Variants in PCDHGB7 observed in about 807,000 individuals in gnomAD.
PCDHGB7 encodes the protein protocadherin gamma subfamily B, 7.
A neutral mutation model predicts 61.4 loss-of-function variants in PCDHGB7; 37 were observed. The ratio of observed to expected loss-of-function variants is 0.60; its 90% CI spans 0.46 to 0.79. The LOEUF (loss-of-function observed/expected upper bound fraction) is 0.79. Among genes scored for constraint, PCDHGB7 ranks in the 30% least tolerant of loss-of-function variants. The pLI is 0.00. For missense variants in PCDHGB7, 1,166 were observed against 1,202.5 expected (o/e 0.97, Z 0.45); for synonymous variants, 464 against 503.5 (o/e 0.92, Z 1.05).
rs753470433 is a variant in PCDHGB7, at chr5:141,419,385, C to T, written c.1526C>T (p.Ala509Val). The change falls in exon 1 of 4, where the codon GCG (alanine) becomes GTG (valine). Residue 509 changes from alanine (A) to valine (V), a missense_variant. Coordinates refer to ENST00000398594, the MANE Select transcript of PCDHGB7 (RefSeq NM_018927.4). ...RTLSSYVSVSAQSGVVFAQRA... is the reference protein window; with the variant it reads ...RTLSSYVSVSVQSGVVFAQRA... The stretch of plus-strand genomic sequence containing the variant: ...CTGTCGTCCTACGTGTCCGTGAGCG[C>T]GCAGAGCGGGGTGGTGTTCGCGCAG... 3.7e-6 allele frequency: 6 copies of T among 1,613,686 alleles called. No homozygotes were observed. The highest frequency in any genetic ancestry group is 1.7e-5 in the Admixed American group (1 of 60,036).
At chr5:141,422,980 C>T in intron 1 of PCDHGB7, 1 of 1,614,232 alleles carries the variant, frequency 6.2e-7, no homozygotes, top group Middle Eastern at 1.7e-4. Flanking sequence ...CTCTGCGGAA[C>T]CTGGCTACCT....
In PCDHGB7 at chr5:141,419,425, C is replaced by T. The variant is rs3749766; in HGVS notation, c.1566C>T (p.His522=). ...GVVFAQRAFD[H]EQLRTFELTL... is the part of the protein sequence containing the mutation. Reference sequence around the variant, plus strand: ...TGTTCGCGCAGCGCGCCTTCGACCACGAGCAGCTGCGCACCTTCGAGCTCA... The same window carrying T: ...TGTTCGCGCAGCGCGCCTTCGACCATGAGCAGCTGCGCACCTTCGAGCTCA... Residue 522 remains histidine, a synonymous_variant, in exon 1 of 4, where the codon CAC becomes CAT. Transcript: ENST00000398594. 284 of 1,613,316 alleles carry T rather than the reference C, an allele frequency of 1.8e-4. 1 individual carries two copies. The East Asian group carries it at 5.9e-3, about 34-fold the overall frequency.
intron 3 of PCDHGB7, 126 bp downstream of exon 3, chr5:141,505,607 T>A: frequency 6.5e-7 from 1 of 1,528,684 alleles, no homozygotes. Flanking sequence ...TCGGCAGGTC[T>A]GAAAGGACCC....
chr5:141,469,505 G>T (rs2099202987), intron 1 of PCDHGB7, among the ~76,000 whole-genome samples: 1 of 152,138 alleles, frequency 6.6e-6, no homozygotes. Flanking sequence ...AACCCGGGAG[G>T]TGGAGGTTGC....
intron 1 of PCDHGB7, chr5:141,484,911 T>G (rs2154580253): frequency 9.3e-6 from 4 of 432,018 alleles, no homozygotes; most frequent in South Asian, 3.3e-5. Context: ...CTGCGACGCA[T>G]TAACCCTGCT....
intron 1 of PCDHGB7, chr5:141,478,712 G>A (rs1160573848): frequency 3.2e-6 from 5 of 1,547,048 alleles, no homozygotes; most frequent in Non-Finnish European, 4.4e-6. Flanking sequence ...TTTGTGAGAT[G>A]GTGGCCTGCC....
At position 141,419,490 on chromosome 5, in the gene PCDHGB7, C is replaced by G. The variant is rs2096390495; in HGVS notation, c.1631C>G (p.Ala544Gly). Residue 544 changes from alanine to glycine, a missense_variant, in exon 1 of 4, where the codon GCC becomes GGC. Physicochemically the swap from Ala to Gly is moderately conservative, Grantham distance 60. Coordinates refer to ENST00000398594, the MANE Select transcript of PCDHGB7 (RefSeq NM_018927.4). ...GACCAGGGCTCGCCCGCGCTCAGCGCCAATGTGAGCCTGCGCGTGTTGGTG... is the reference window on the plus strand; with the variant it reads ...GACCAGGGCTCGCCCGCGCTCAGCGGCAATGTGAGCCTGCGCGTGTTGGTG... Reference protein sequence around the residue: ...ARDQGSPALSANVSLRVLVGD... With the variant: ...ARDQGSPALSGNVSLRVLVGD... 13 of 1,612,414 alleles carry G rather than the reference C, an allele frequency of 8.1e-6. No homozygotes were observed. Among genetic ancestry groups the G allele is most frequent in the Non-Finnish European group, 1.1e-5 (13 of 1,179,520 alleles).
At position 141,485,430 on chromosome 5, in the gene PCDHGB7, T is replaced by C; in HGVS notation, c.2416-9377T>C. The C allele has an allele frequency of 6.2e-7, 1 of 1,614,138 alleles. No individual in the cohort carries two copies. Among genetic ancestry groups the C allele is most frequent in the Non-Finnish European group, 8.5e-7 (1 of 1,180,022 alleles). On this transcript the variant is annotated intron_variant, in intron 1 of 3. Transcript: ENST00000398594. The surrounding 1 kb of genome is among the most constrained non-coding windows in gnomAD (Gnocchi z 5.7). ...GATTTGGACAGCGGAGCCCTGCTCA[T>C]CAAGAACCCAATCGACCGAGAGGCA... is the stretch of plus-strand genomic sequence containing the variant.
At chr5:141,470,585 G>A (rs2099233788) in intron 1 of PCDHGB7, among the ~76,000 whole-genome samples, 1 of 152,188 alleles carries the variant, frequency 6.6e-6, no homozygotes, top group African/African-American at 2.4e-5. Flanking sequence ...AACTTCATAG[G>A]CAGGCGACCT....
At chr5:141,427,712 C>CCTGG (rs1319672065) in intron 1 of PCDHGB7, 7 of 1,051,350 alleles carry the variant, frequency 6.7e-6, no homozygotes, top group Non-Finnish European at 1.0e-5. Context: ...GCGCCTCTGA[C>CCTGG]CTGGACCTAG....
At chr5:141,446,169 C>A (rs920519501) in intron 1 of PCDHGB7, among the ~76,000 whole-genome samples, 1 of 152,014 alleles carries the variant, frequency 6.6e-6, no homozygotes, top group African/African-American at 2.4e-5. Flanking sequence ...TTCATGAGGG[C>A]AGGGGGTGTT....
chr5:141,478,307 G>T, intron 1 of PCDHGB7: 3 of 1,614,056 alleles, frequency 1.9e-6, no homozygotes, highest in Non-Finnish European at 2.5e-6. Context: ...CCGAGCCCCG[G>T]TGAGCTCACT....
At chr5:141,483,907 C>A (rs545585133) in intron 1 of PCDHGB7, among the ~76,000 whole-genome samples, 1 of 151,240 alleles carries the variant, frequency 6.6e-6, no homozygotes, top group East Asian at 1.9e-4. Context: ...TGGTGTGTTT[C>A]CCACTCAGAT....
chr5:141,505,324 G>A, intron 2 of PCDHGB7, 69 bp from the exon 3 acceptor site: 2 of 1,607,104 alleles, frequency 1.2e-6, no homozygotes, highest in African/African-American at 1.3e-5. Context: ...GGAGCCCTGG[G>A]AGAGGACAGG....
In PCDHGB7 at chr5:141,432,695, G is replaced by A. The variant is rs1275179569; in HGVS notation, c.2415+12421G>A. ...GCTCAAGCAGAGCCTCGTAGTGGCC[G>A]TCCAGGACCACGGCCAGCCCCCTCT... On this transcript the variant is annotated intron_variant, in intron 1 of 3. Coordinates refer to ENST00000398594, the MANE Select transcript of PCDHGB7 (RefSeq NM_018927.4). This position sits in a 1 kb window ranked among gnomAD's most constrained non-coding sequence, Gnocchi z 6.0. The A allele has an allele frequency of 3.1e-6, 5 of 1,613,822 alleles. No homozygotes were observed. The highest frequency in any genetic ancestry group is 1.7e-5 in the Admixed American group (1 of 60,002).
chr5:141,462,268 A>C (rs982301403), intron 1 of PCDHGB7, among the ~76,000 whole-genome samples: 3 of 152,196 alleles, frequency 2.0e-5, no homozygotes, highest in African/African-American at 7.2e-5. Flanking sequence ...CCTAAAGTGT[A>C]TTGTTTAGTC....
intron 1 of PCDHGB7, chr5:141,426,609 G>A (rs1026143678): frequency 5.2e-6 from 2 of 382,862 alleles, no homozygotes; most frequent in African/African-American, 4.2e-5. Flanking sequence ...AGAGATTGTA[G>A]CAGAGAATCC....
At chr5:141,481,779 C>T (rs1367771159) in intron 1 of PCDHGB7, among the ~76,000 whole-genome samples, 2 of 152,092 alleles carry the variant, frequency 1.3e-5, no homozygotes, top group Non-Finnish European at 2.9e-5. Flanking sequence ...TGGTGAAACC[C>T]CGTCTCTACT....
chr5:141,478,418 C>A, intron 1 of PCDHGB7: 1 of 1,613,650 alleles, frequency 6.2e-7, no homozygotes, highest in Non-Finnish European at 8.5e-7. Context: ...GGACTCCCGC[C>A]GCAGCGACCC....
Sources: allele counts gnomAD v4.1 joint callset (sites outside exome capture counted in the v4.1 genomes callset), GRCh38; gene constraint gnomAD v4.1.1; non-coding constraint Gnocchi (gnomAD v3.1); transcripts MANE v1.5; gene names NCBI Gene and HGNC (gene_info 2026-07-23, HGNC 2026-07-21).